The following UBR2 variants were observed in gnomAD, a reference collection of about 807,000 sequenced individuals.
UBR2 encodes ubiquitin protein ligase E3 component n-recognin 2.
In UBR2, 92 loss-of-function variants were observed where a neutral mutation model predicts 247.9. That is an observed-to-expected ratio of 0.37 (90% CI 0.31 to 0.44). UBR2 has a LOEUF of 0.44. UBR2 is among the 20% of genes least tolerant of loss of function. UBR2 has a pLI of 1.00. For missense variants in UBR2, 1,613 were observed against 2,112.6 expected (o/e 0.76, Z 4.64); for synonymous variants, 672 against 693.5 (o/e 0.97, Z 0.49).
chr6:42,583,247 C>G (rs967616909), intron 2 of UBR2, among the ~76,000 whole-genome samples: 4 of 152,038 alleles, frequency 2.6e-5, no homozygotes, highest in African/African-American at 9.7e-5. Flanking sequence ...TATTTATTTA[C>G]TTTTATTTAT....
chr6:42,594,411 G>A, intron 4 of UBR2, 107 bp downstream of exon 4: 1 of 780,776 alleles, frequency 1.3e-6, no homozygotes, highest in Non-Finnish European at 2.1e-6. Flanking sequence ...TTCCACTATT[G>A]ACAGTGACTA....
At chr6:42,636,926 A>G (rs944926609) in intron 14 of UBR2, 85 bp from the exon 15 acceptor site, 15 of 1,417,130 alleles carry the variant, frequency 1.1e-5, no homozygotes, top group Admixed American at 2.1e-5. Flanking sequence ...TATTTGAGGT[A>G]CTTACTCACT....
rs1390483519 is a variant in UBR2 at position 42,615,135 on chromosome 6, T to C, written c.1050T>C (p.Ser350=). Residue 350 remains serine, a synonymous_variant, in exon 9 of 47, where the codon TCT becomes TCC. Coordinates refer to ENST00000372901, the MANE Select transcript of UBR2 (RefSeq NM_001363705.2). ...AAGGGCCAGATGGTGAAAACTCTTC[T>C]CTAGTGGACAGACTGATGCTTAGTG... is the stretch of plus-strand genomic sequence containing the variant. ...LQEGPDGENS[S]LVDRLMLSDS... is the part of the protein sequence containing the mutation. 1.2e-6 allele frequency: 2 copies of C among 1,613,420 alleles called. No homozygotes were observed. The highest frequency in any genetic ancestry group is 2.2e-5 in the East Asian group (1 of 44,808).
At chr6:42,673,457 G>T (rs529889233) in intron 36 of UBR2, among the ~76,000 whole-genome samples, 1 of 152,322 alleles carries the variant, frequency 6.6e-6, no homozygotes, top group South Asian at 2.1e-4. Flanking sequence ...GAGTAGCTGG[G>T]ATTACAGGTG....
chr6:42,581,023 T>C, intron 2 of UBR2, among the ~76,000 whole-genome samples: 1 of 144,276 alleles, frequency 6.9e-6, no homozygotes. Context: ...TTTTTTTTTT[T>C]TTTTTTTTGA....
intron 3 of UBR2, 75 bp downstream of exon 3, chr6:42,592,304 G>T (rs1792719365): frequency 8.2e-7 from 1 of 1,224,650 alleles, no homozygotes; most frequent in Admixed American, 2.9e-5. Context: ...TTTTCAAAAT[G>T]CAAAGATTTA....
rs59218885 is a variant in UBR2 at position 42,631,860 on chromosome 6, TTATA to T, written c.1282-665_1282-662del. Among the ~76,000 whole-genome samples, 298 of 61,500 alleles carry T rather than the reference TTATA, an allele frequency of 4.8e-3. 7 individuals are homozygous for T. Among genetic ancestry groups the T allele is most frequent in the East Asian group, 0.028 (30 of 1,060 alleles). The allele number at this position is 61,500 out of a possible 152,430, so 40.3% of individuals were successfully genotyped here. A position where few individuals can be genotyped will look rare whatever the true frequency, so the allele number is the denominator to read the frequency against. ...GTATTATGTAGTATATACTCTGATTTTATATATATATATATATATATATATATAT... is the reference window on the plus strand; with the variant it reads ...GTATTATGTAGTATATACTCTGATTTTATATATATATATATATATATATAT... On this transcript the variant is annotated intron_variant, in intron 11 of 46. Coordinates refer to ENST00000372901, the MANE Select transcript of UBR2 (RefSeq NM_001363705.2).
intron 10 of UBR2, among the ~76,000 whole-genome samples, chr6:42,616,393 A>G (rs1794552726): frequency 6.6e-6 from 1 of 152,080 alleles, no homozygotes; most frequent in African/African-American, 2.4e-5. Flanking sequence ...TAAAATTCAT[A>G]TAAGGAAACT....
Position 42,665,306 on chromosome 6 carries a change from A to G in UBR2, c.3699-103A>G, listed in dbSNP as rs141902034. 43 of 813,450 alleles carry G rather than the reference A, an allele frequency of 5.3e-5. No individual in the cohort carries two copies. In the African/African-American group the frequency reaches 6.4e-4, roughly 12 times the overall value. The allele number at this position is 813,450 out of a possible 1,614,324, so 50.4% of individuals were successfully genotyped here. A position where few individuals can be genotyped will look rare whatever the true frequency, so the allele number is the denominator to read the frequency against. ...TTTTCCCTTATCCTTTTTGTTTTTA[A>G]TATTTGGAGTGTGTCTAAAATATGC... On this transcript the variant is annotated intron_variant, in intron 32 of 46. Transcript: ENST00000372901.
intron 40 of UBR2, 58 bp downstream of exon 40, chr6:42,676,931 A>T: frequency 7.3e-7 from 1 of 1,377,150 alleles, no homozygotes; most frequent in Non-Finnish European, 1.0e-6. Flanking sequence ...TGATGATAGC[A>T]TGAGAAAGGA....
chr6:42,612,821 C>T (rs1007200065), intron 8 of UBR2, among the ~76,000 whole-genome samples: 1 of 152,170 alleles, frequency 6.6e-6, no homozygotes, highest in African/African-American at 2.4e-5. Context: ...AAATTTTTGG[C>T]CAGGTGCCAT....
In UBR2 at chr6:42,641,677, C is replaced by A. The variant is rs767380259; in HGVS notation, c.2016C>A (p.Phe672Leu). The change falls in exon 17 of 47, where the codon TTC becomes TTA. Residue 672 changes from phenylalanine to leucine, a missense_variant. By Grantham distance (22) the Phe-to-Leu change is conservative. Around this residue, in one of 3 missense-constraint regions of UBR2, gnomAD observed 1,524 missense variants for 1,967.3 expected, o/e 0.77. Coordinates refer to ENST00000372901, the MANE Select transcript of UBR2 (RefSeq NM_001363705.2). ...VHAGMWRRNG[F>L]SLVNQIYYYH... The stretch of plus-strand genomic sequence containing the variant: ...CCGGAATGTGGAGAAGAAATGGGTT[C>A]TCTCTAGTAAACCAGGTAAGTGTTT... The A allele has an allele frequency of 6.2e-7, 1 of 1,609,536 alleles. No individual in the cohort carries two copies. The highest frequency in any genetic ancestry group is 1.1e-5 in the South Asian group (1 of 90,372).
intron 4 of UBR2, among the ~76,000 whole-genome samples, chr6:42,597,052 G>A (rs1793020907): frequency 6.6e-6 from 1 of 152,168 alleles, no homozygotes; most frequent in Non-Finnish European, 1.5e-5. Flanking sequence ...CTGTGTTAGA[G>A]TAGACTTAAA....
Position 42,689,695 on chromosome 6 carries a change from A to G in UBR2, c.5126+25A>G, listed in dbSNP as rs374197162. ...GGTAAGAACCCATCCTGAGTTAGCT[A>G]ACTCAGGGCCTGCAGCGCCCTTCCG... On this transcript the variant is annotated intron_variant, in intron 46 of 46. Coordinates refer to ENST00000372901, the MANE Select transcript of UBR2 (RefSeq NM_001363705.2). The surrounding 1 kb of genome is among the most constrained non-coding windows in gnomAD (Gnocchi z 4.0). 110 of 1,603,426 alleles carry G rather than the reference A, an allele frequency of 6.9e-5. No individual in the cohort carries two copies. The highest frequency in any genetic ancestry group is 4.0e-4 in the Admixed American group (24 of 59,982).
rs1799635937 is a variant in UBR2, at chr6:42,689,570, G to A, written c.5026G>A (p.Val1676Ile). 7 of 1,613,888 alleles carry A rather than the reference G, an allele frequency of 4.3e-6. No individual in the cohort carries two copies. Among genetic ancestry groups the A allele is most frequent in the Middle Eastern group, 3.3e-4 (2 of 6,062 alleles). ...CGSGVGIFLRVRECQVLFLAG... is the reference protein window; with the variant it reads ...CGSGVGIFLRIRECQVLFLAG... ...AACGTATGACTGATCTCTCTACAGA[G>A]TACGGGAATGTCAGGTGCTATTTTT... The change falls in exon 46 of 47, where the codon GTA becomes ATA. Residue 1676 changes from valine (V) to isoleucine (I), a missense_variant and splice_region_variant. Coordinates refer to ENST00000372901, the MANE Select transcript of UBR2 (RefSeq NM_001363705.2). This position sits in a 1 kb window ranked among gnomAD's most constrained non-coding sequence, Gnocchi z 4.0.
intron 11 of UBR2, among the ~76,000 whole-genome samples, chr6:42,629,743 A>G (rs1186518353): frequency 1.3e-5 from 2 of 152,218 alleles, no homozygotes; most frequent in African/African-American, 4.8e-5. Context: ...CTGGTATTTA[A>G]TGTTGAAAAT....
chr6:42,640,421 TGTGTG>T, intron 16 of UBR2, 151 bp downstream of exon 16: 2 of 510,718 alleles, frequency 3.9e-6, no homozygotes, highest in Non-Finnish European at 6.8e-6. Flanking sequence ...TGTGTGTGTG[TGTGTG>T]TGTGTGTGTA....
chr6:42,644,600 G>T (rs1031834542), intron 20 of UBR2, 64 bp downstream of exon 20: 4 of 1,377,366 alleles, frequency 2.9e-6, no homozygotes. Flanking sequence ...CAAATAGTTT[G>T]GAATTTCTGG....
chr6:42,626,828 C>T (rs1795377946), intron 11 of UBR2, among the ~76,000 whole-genome samples: 1 of 152,120 alleles, frequency 6.6e-6, no homozygotes, highest in Admixed American at 6.6e-5. Context: ...GAACTCAGTT[C>T]CCCCTGCTCT....
Sources: gnomAD v4.1 joint callset for allele counts (sites outside exome capture counted in the v4.1 genomes callset) on GRCh38, gnomAD v4.1.1 for gene constraint, gnomAD v4.1.1 regional missense constraint, Gnocchi (gnomAD v3.1) non-coding constraint, MANE v1.5 for transcripts, NCBI Gene and HGNC (gene_info 2026-07-23, HGNC 2026-07-21) for gene names.